Variants in ABAT observed in about 807,000 individuals in gnomAD.
ABAT encodes the protein 4-aminobutyrate aminotransferase.
A neutral mutation model predicts 64.6 loss-of-function variants in ABAT; 45 were observed. The ratio of observed to expected loss-of-function variants is 0.70; its 90% CI spans 0.55 to 0.89. The LOEUF is 0.89. Among genes scored for constraint, ABAT ranks in the 40% least tolerant of loss-of-function variants. ABAT has a pLI of 0.00. For synonymous variants in ABAT, 297 were observed against 250.5 expected (o/e 1.19, Z -1.75); for missense variants, 633 against 658.4 (o/e 0.96, Z 0.42).
chr16:8,698,901 G>A (rs1392554101), intron 1 of ABAT, among the ~76,000 whole-genome samples: 1 of 152,144 alleles, frequency 6.6e-6, no homozygotes, highest in African/African-American at 2.4e-5. Flanking sequence ...AGCCAAGATT[G>A]CGCCACTGCA....
At chr16:8,698,750 G>C (rs1264922650) in intron 1 of ABAT, among the ~76,000 whole-genome samples, 1 of 151,976 alleles carries the variant, frequency 6.6e-6, no homozygotes, top group Non-Finnish European at 1.5e-5. Context: ...TTCAAGACCA[G>C]CCTGGCTACC....
At chr16:8,706,575 G>C (rs952943530) in intron 1 of ABAT, among the ~76,000 whole-genome samples, 3 of 151,984 alleles carry the variant, frequency 2.0e-5, no homozygotes, top group African/African-American at 7.3e-5. Flanking sequence ...TTAGCCGGGT[G>C]TGGTGGCACG....
chr16:8,748,309 C>T (rs1246724244), intron 4 of ABAT, among the ~76,000 whole-genome samples, 172 bp downstream of exon 4: 1 of 152,186 alleles, frequency 6.6e-6, no homozygotes. Context: ...TAGTTACTTA[C>T]ATGATGTTTA....
Position 8,745,991 on chromosome 16 carries a change from T to C in ABAT, c.71-10T>C, listed in dbSNP as rs371513385. On this transcript the variant is annotated splice_polypyrimidine_tract_variant and intron_variant, in intron 2 of 15. Coordinates refer to ENST00000268251, the MANE Select transcript of ABAT (RefSeq NM_020686.6). Reference sequence around the variant, plus strand: ...CACCAGGGATTTCTCATTGTCTTTGTTTACTGCAGGATCCAGACACATTAG... The same window carrying C: ...CACCAGGGATTTCTCATTGTCTTTGCTTACTGCAGGATCCAGACACATTAG... 1.2e-6 allele frequency: 2 copies of C among 1,613,022 alleles called. No homozygotes were observed. Among genetic ancestry groups the C allele is most frequent in the African/African-American group, 2.7e-5 (2 of 74,870 alleles).
At chr16:8,747,901 A>G (rs78573567) in intron 3 of ABAT, among the ~76,000 whole-genome samples, 4,627 of 152,214 alleles carry the variant, frequency 0.03, 217 homozygotes, top group African/African-American at 0.1. Flanking sequence ...CAGCCTGTCT[A>G]TCGTACTAGT....
rs2060440804 is a variant in ABAT, at chr16:8,781,566, T to C, written c.*136T>C. The C allele has an allele frequency of 2.4e-6, 3 of 1,263,108 alleles. No homozygotes were observed. The highest frequency in any genetic ancestry group is 3.4e-6 in the Non-Finnish European group (3 of 890,266). 78.2% of individuals were successfully genotyped at this position (1,263,108 alleles called of 1,614,324 possible). A position where few individuals can be genotyped will look rare whatever the true frequency, so the allele number is the denominator to read the frequency against. On this transcript the variant is annotated 3_prime_UTR_variant, in exon 16 of 16. Coordinates refer to ENST00000268251, the MANE Select transcript of ABAT (RefSeq NM_020686.6). This position sits in a 1 kb window ranked among gnomAD's most constrained non-coding sequence, Gnocchi z 4.5. ...AAGGGTGATTTGTGGGGAGGGAGCA[T>C]TTTTGGTGGTCTTGGGGGAGGGGAG...
chr16:8,732,477 C>A (rs1442998564), intron 1 of ABAT, among the ~76,000 whole-genome samples: 6 of 150,922 alleles, frequency 4.0e-5, no homozygotes, highest in Non-Finnish European at 8.8e-5. Context: ...TCTTGCACCG[C>A]CCTTAATCCA....
intron 6 of ABAT, among the ~76,000 whole-genome samples, chr16:8,759,569 G>A (rs899523068): frequency 5.3e-5 from 8 of 152,128 alleles, no homozygotes; most frequent in African/African-American, 1.9e-4. Context: ...CTAGAGTGCA[G>A]GGGTGCAATC....
rs150468850 is a variant in ABAT at position 8,722,541 on chromosome 16, A to G, written c.-41-13158A>G. 2.4e-3 allele frequency among the ~76,000 whole-genome samples: 366 copies of G among 152,320 alleles called. 1 individual carries two copies. Among genetic ancestry groups the G allele is most frequent in the Admixed American group, 4.6e-3 (71 of 15,306 alleles). On this transcript the variant is annotated intron_variant, in intron 1 of 15. Transcript: ENST00000268251. ...AAAATGTTAAGTCAACACAAGTCAT[A>G]TGAGACATAAGAGCTCAAAGGAAGG...
At chr16:8,749,474 C>T (rs2059419982) in intron 4 of ABAT, among the ~76,000 whole-genome samples, 1 of 134,790 alleles carries the variant, frequency 7.4e-6, no homozygotes, top group Admixed American at 8.6e-5. Flanking sequence ...TCTCGGCTCA[C>T]TGCAACATCC....
intron 2 of ABAT, among the ~76,000 whole-genome samples, chr16:8,741,521 A>C (rs554553741): frequency 2.0e-4 from 31 of 152,360 alleles, no homozygotes; most frequent in Non-Finnish European, 3.5e-4. Flanking sequence ...TGTGAGAATT[A>C]AATGAGATAA....
intron 1 of ABAT, among the ~76,000 whole-genome samples, chr16:8,684,403 C>A (rs1470071551): frequency 6.6e-6 from 1 of 152,070 alleles, no homozygotes; most frequent in African/African-American, 2.4e-5. Context: ...CCAAACCCCG[C>A]CTCTACAAAA....
At chr16:8,771,572 G>A (rs530626621) in intron 11 of ABAT, among the ~76,000 whole-genome samples, 48 of 151,410 alleles carry the variant, frequency 3.2e-4, no homozygotes, top group African/African-American at 8.3e-4. Flanking sequence ...GGGTTCAAGC[G>A]ATTCTCGTGC....
rs2059688012 is a variant in ABAT, at chr16:8,757,739, A to G, written c.317-18A>G. On this transcript the variant is annotated intron_variant, in intron 5 of 15. Coordinates refer to ENST00000268251, the MANE Select transcript of ABAT (RefSeq NM_020686.6). ...CTTGGATGCAATGAGGTCTCTAACA[A>G]TACTCTCCTGCCCTCAGGTTACAGC... is the stretch of plus-strand genomic sequence containing the variant. The G allele has an allele frequency of 8.7e-6, 14 of 1,613,646 alleles. No homozygotes were observed. Among genetic ancestry groups the G allele is most frequent in the Admixed American group, 1.7e-5 (1 of 59,994 alleles).
At chr16:8,773,023 C>T in intron 12 of ABAT, 106 bp downstream of exon 12, 1 of 1,477,090 alleles carries the variant, frequency 6.8e-7, no homozygotes, top group Non-Finnish European at 9.4e-7. Flanking sequence ...TGTCAATCTC[C>T]AGACTTGCAG....
At chr16:8,748,798 T>C (rs1287984747) in intron 4 of ABAT, among the ~76,000 whole-genome samples, 2 of 152,208 alleles carry the variant, frequency 1.3e-5, no homozygotes, top group Non-Finnish European at 2.9e-5. Context: ...AATATTTTTA[T>C]AGTCTATTTT....
intron 6 of ABAT, among the ~76,000 whole-genome samples, chr16:8,763,777 G>A (rs1045995983): frequency 5.9e-5 from 9 of 152,174 alleles, no homozygotes; most frequent in Non-Finnish European, 1.2e-4. Context: ...CCAGTACAAA[G>A]AGCCCCATGT....
chr16:8,748,862 G>T (rs1427751446), intron 4 of ABAT, among the ~76,000 whole-genome samples: 1 of 152,064 alleles, frequency 6.6e-6, no homozygotes, highest in Admixed American at 6.6e-5. Context: ...GTGTGCATCA[G>T]ATTCCTTTCT....
chr16:8,724,920 C>CTTTTTTT (rs562546446), intron 1 of ABAT, among the ~76,000 whole-genome samples: 1 of 46,252 alleles, frequency 2.2e-5, no homozygotes. Context: ...TCTCTTTTTT[C>CTTTTTTT]TTTTTTTTTT....
Sources: gnomAD v4.1 joint callset for allele counts (sites outside exome capture counted in the v4.1 genomes callset) on GRCh38, gnomAD v4.1.1 for gene constraint, Gnocchi (gnomAD v3.1) non-coding constraint, MANE v1.5 for transcripts, NCBI Gene and HGNC (gene_info 2026-07-23, HGNC 2026-07-21) for gene names.